The following ASB15 variants were observed in gnomAD, a reference collection of about 807,000 sequenced individuals.
The protein encoded by ASB15 is ankyrin repeat and SOCS box containing 15.
ASB15 carries 54 observed loss-of-function variants against 58.0 expected under a neutral mutation model. That is an observed-to-expected ratio of 0.93 (90% CI 0.75 to 1.17). The LOEUF is 1.17. ASB15 is among the 50% of genes most tolerant of loss of function. The pLI, the probability that ASB15 is intolerant of heterozygous loss-of-function variation, is 0.00. For missense variants in ASB15, 680 were observed against 707.4 expected, an observed-to-expected ratio of 0.96 and a Z score of 0.44; for synonymous variants, 249 against 262.4, an observed-to-expected ratio of 0.95 and a Z score of 0.50.
Position 123,616,214 on chromosome 7 carries a change from C to T in ASB15, c.108-7C>T. The stretch of plus-strand genomic sequence containing the variant: ...TAGTATAAATATTATTTTTCTTTAT[C>T]TCATAGATTTGTACCCCTAAGTGCT... On this transcript the variant is annotated splice_polypyrimidine_tract_variant and splice_region_variant and intron_variant, in intron 4 of 11. Transcript: ENST00000451215. The T allele has an allele frequency of 1.3e-6, 2 of 1,578,252 alleles. No homozygotes were observed. The highest frequency in any genetic ancestry group is 1.7e-6 in the Non-Finnish European group (2 of 1,148,156).
chr7:123,601,194 T>C (rs939837889), upstream of ASB15, among the ~76,000 whole-genome samples: 2 of 152,184 alleles, frequency 1.3e-5, no homozygotes, highest in African/African-American at 4.8e-5. Context: ...ATAAACTTAA[T>C]TGGTTTTTTA....
At position 123,629,308 on chromosome 7, in the gene ASB15, T is replaced by G. The variant is rs750883849; in HGVS notation, c.1314T>G (p.Asn438Lys). 3.7e-6 allele frequency: 6 copies of G among 1,613,998 alleles called. No homozygotes were observed. Among genetic ancestry groups the G allele is most frequent in the Non-Finnish European group, 1.7e-6 (2 of 1,179,990 alleles). ...TAATGCTGAGGCTATTGCTGAATAA[T>G]GGCTATCAAGTGGAGATGTGCTTTG... ...DEVMLRLLLN[N>K]GYQVEMCFDC... The change falls in exon 10 of 12, where the codon AAT (asparagine) becomes AAG (lysine). Residue 438 changes from asparagine (N) to lysine (K), a missense_variant. By Grantham distance (94) the Asn-to-Lys change is moderately conservative (BLOSUM62 0). Transcript: ENST00000451215.
intron 1 of ASB15, among the ~76,000 whole-genome samples, chr7:123,582,052 A>T (rs539740778): frequency 7.2e-5 from 11 of 152,070 alleles, no homozygotes; most frequent in African/African-American, 2.4e-4. Context: ...ATAGATGAAA[A>T]TCTCCATCTA....
Position 123,617,745 on chromosome 7 carries a change from A to C in ASB15, c.451+8A>C, listed in dbSNP as rs1400876564. ...AGACCCCCCTTCTGATTGGTAAATG[A>C]CCTTTTTTTCTAGAACTTTTATAGT... is the stretch of plus-strand genomic sequence containing the variant. On this transcript the variant is annotated splice_region_variant and intron_variant, in intron 7 of 11. Transcript: ENST00000451215. The C allele has an allele frequency of 1.3e-6, 2 of 1,598,230 alleles. No homozygotes were observed. Among genetic ancestry groups the C allele is most frequent in the Non-Finnish European group, 1.7e-6 (2 of 1,170,890 alleles).
Position 123,628,856 on chromosome 7 carries a change from T to C in ASB15, c.870-8T>C. 1 of 1,492,258 alleles carries C rather than the reference T, an allele frequency of 6.7e-7. No individual in the cohort carries two copies. The highest frequency in any genetic ancestry group is 9.0e-7 in the Non-Finnish European group (1 of 1,113,752). The allele number at this position is 1,492,258 out of a possible 1,614,324, so 92.4% of individuals were successfully genotyped here. A position where few individuals can be genotyped will look rare whatever the true frequency, so the allele number is the denominator to read the frequency against. Reference sequence around the variant, plus strand: ...ATGGCAAGTAGATATTTGACTTTTTTCTTTTAGTGCACTGAAATATCTTAT... The same window carrying C: ...ATGGCAAGTAGATATTTGACTTTTTCCTTTTAGTGCACTGAAATATCTTAT... On this transcript the variant is annotated splice_polypyrimidine_tract_variant and splice_region_variant and intron_variant, in intron 9 of 11. Coordinates refer to ENST00000451215, the MANE Select transcript of ASB15 (RefSeq NM_001290258.2).
rs1456070687 is a variant in ASB15, at chr7:123,638,404, C to G, written c.*1423C>G. Reference sequence around the variant, plus strand: ...GATTCCCAGACTTCAAGGTGTCATACACTAATAGGTTTTATTGTGTTTATT... The same window carrying G: ...GATTCCCAGACTTCAAGGTGTCATAGACTAATAGGTTTTATTGTGTTTATT... On this transcript the variant is annotated 3_prime_UTR_variant, in exon 12 of 12. Transcript: ENST00000451215. 1 of 152,112 alleles carries G rather than the reference C, an allele frequency of 6.6e-6. No homozygotes were observed. Among genetic ancestry groups the G allele is most frequent in the South Asian group, 2.1e-4 (1 of 4,820 alleles). 9.4% of individuals were successfully genotyped at this position (152,112 alleles called of 1,614,324 possible).
chr7:123,594,241 G>GAGAAGT (rs1341445994), intron 1 of ASB15, among the ~76,000 whole-genome samples: 1 of 152,036 alleles, frequency 6.6e-6, no homozygotes, highest in Non-Finnish European at 1.5e-5. Flanking sequence ...CTTTAGCTCA[G>GAGAAGT]AGAAGTTTGT....
rs985529853 is a variant in ASB15, at chr7:123,638,888, G to A, written c.*1907G>A. The stretch of plus-strand genomic sequence containing the variant: ...CTTCCCACTAGACTATAAGCTCTAT[G>A]AGGGTAGGTTCTATGTTTGTTTTGT... On this transcript the variant is annotated 3_prime_UTR_variant, in exon 12 of 12. Coordinates refer to ENST00000451215, the MANE Select transcript of ASB15 (RefSeq NM_001290258.2). The A allele has an allele frequency of 2.0e-5, 3 of 152,166 alleles. No homozygotes were observed. Among genetic ancestry groups the A allele is most frequent in the African/African-American group, 4.8e-5 (2 of 41,438 alleles). 9.4% of individuals were successfully genotyped at this position (152,166 alleles called of 1,614,324 possible).
intron 3 of ASB15, among the ~76,000 whole-genome samples, chr7:123,609,719 C>T (rs1446377752): frequency 6.6e-6 from 1 of 152,120 alleles, no homozygotes; most frequent in East Asian, 1.9e-4. Context: ...ACCTTGGTTC[C>T]GTGCTGTGGG....
At chr7:123,623,919 G>A (rs201666338) in intron 7 of ASB15, among the ~76,000 whole-genome samples, 1,150 of 16,874 alleles carry the variant, frequency 0.068, 33 homozygotes, top group African/African-American at 0.12. Context: ...AGGAAGGAAG[G>A]AAGAAAGAAA....
intron 3 of ASB15, among the ~76,000 whole-genome samples, chr7:123,611,616 T>C (rs1562926813): frequency 6.6e-6 from 1 of 152,194 alleles, no homozygotes; most frequent in Non-Finnish European, 1.5e-5. Flanking sequence ...ATTTATGAGA[T>C]AGCACAGGCT....
At position 123,622,786 on chromosome 7, in the gene ASB15, A is replaced by C. The variant is rs188516662; in HGVS notation, c.452-1783A>C. 5.3e-5 allele frequency: 8 copies of C among 152,282 alleles called. No individual in the cohort carries two copies. The East Asian group carries it at 1.4e-3, about 26-fold the overall frequency. The allele number at this position is 152,282 out of a possible 1,614,324, so 9.4% of individuals were successfully genotyped here. A position where few individuals can be genotyped will look rare whatever the true frequency, so the allele number is the denominator to read the frequency against. The stretch of plus-strand genomic sequence containing the variant: ...AACACCAGCTAGCATGAGGTAATTC[A>C]CTGTAATTAGAGCTGCCAGTGACAG... On this transcript the variant is annotated intron_variant, in intron 7 of 11. Transcript: ENST00000451215.
chr7:123,637,216 A>G lies in ASB15; in HGVS notation c.*235A>G. The G allele has an allele frequency of 3.5e-6, 1 of 285,518 alleles. No individual in the cohort carries two copies. Among genetic ancestry groups the G allele is most frequent in the Non-Finnish European group, 6.5e-6 (1 of 153,254 alleles). 17.7% of individuals were successfully genotyped at this position (285,518 alleles called of 1,614,324 possible). On this transcript the variant is annotated 3_prime_UTR_variant, in exon 12 of 12. Transcript: ENST00000451215. ...TATCTTTGTTTGCTACAAGTCATCA[A>G]ACTCTCCCTATCAAGTGGCTCCTAC...
Position 123,627,267 on chromosome 7 carries a change from T to G in ASB15, c.855T>G (p.Tyr285Ter). The change falls in exon 9 of 12, where the codon TAT becomes TAG. Residue 285 changes from tyrosine (Y) to a stop codon, truncating the protein, a stop_gained. Transcript: ENST00000451215. LOFTEE classifies it high-confidence loss of function. ...AGHLPIHRAA[Y>*]EGHYLALKYL... is the part of the protein sequence containing the mutation. The stretch of plus-strand genomic sequence containing the variant: ...ATCTTCCTATACACCGAGCTGCCTA[T>G]GAGGGGCATTATCTGTGAGTGATAA... The G allele has an allele frequency of 6.2e-7, 1 of 1,612,958 alleles. No individual in the cohort carries two copies. The highest frequency in any genetic ancestry group is 1.1e-5 in the South Asian group (1 of 91,058).
intron 3 of ASB15, among the ~76,000 whole-genome samples, chr7:123,613,605 T>C (rs1327361174): frequency 6.6e-6 from 1 of 152,272 alleles, no homozygotes; most frequent in African/African-American, 2.4e-5. Flanking sequence ...TGGCTTGTAA[T>C]AGAACTGTGT....
chr7:123,591,496 G>A (rs1237391936), intron 1 of ASB15, among the ~76,000 whole-genome samples: 1 of 152,108 alleles, frequency 6.6e-6, no homozygotes, highest in African/African-American at 2.4e-5. Context: ...TTTATTGAGA[G>A]TTTTAACATG....
chr7:123,610,710 C>T (rs1362272692), intron 3 of ASB15, among the ~76,000 whole-genome samples: 1 of 152,150 alleles, frequency 6.6e-6, no homozygotes, highest in East Asian at 1.9e-4. Context: ...TTAACCAGTG[C>T]TTTAAATGAA....
chr7:123,593,178 A>G (rs1461985375), intron 1 of ASB15, among the ~76,000 whole-genome samples: 2 of 151,842 alleles, frequency 1.3e-5, no homozygotes, highest in Admixed American at 6.6e-5. Flanking sequence ...TGCATGTGAG[A>G]TGGGTCTCCT....
At chr7:123,616,183 A>G (rs762150405) in intron 4 of ASB15, 38 bp from the exon 5 acceptor site, 1 of 1,444,904 alleles carries the variant, frequency 6.9e-7, no homozygotes, top group Non-Finnish European at 9.7e-7. Context: ...CTATATCACT[A>G]GTATCTAGTA....
Sources: allele counts gnomAD v4.1 joint callset (sites outside exome capture counted in the v4.1 genomes callset), GRCh38; gene constraint gnomAD v4.1.1; transcripts MANE v1.5; gene names NCBI Gene and HGNC (gene_info 2026-07-23, HGNC 2026-07-21).